The following PARD6G variants were observed in gnomAD, a reference collection of about 807,000 sequenced individuals.
PARD6G encodes partitioning defective 6 homolog gamma.
In PARD6G, 7 loss-of-function variants were observed where a neutral mutation model predicts 10.7. The ratio of observed to expected loss-of-function variants is 0.66; its 90% CI spans 0.37 to 1.23. The LOEUF is 1.23. Ranked by LOEUF, PARD6G falls within the 50% of genes most tolerant of loss-of-function variation. The pLI is 0.02. For synonymous variants in PARD6G, 287 were observed against 269.4 expected, an observed-to-expected ratio of 1.07 and a Z score of -0.64; for missense variants, 548 against 571.8, an observed-to-expected ratio of 0.96 and a Z score of 0.42.
intron 1 of PARD6G, among the ~76,000 whole-genome samples, chr18:80,223,619 T>C (rs1047351324): frequency 3.3e-5 from 5 of 152,218 alleles, no homozygotes; most frequent in Non-Finnish European, 7.3e-5. Flanking sequence ...TTGTTAGGAA[T>C]GTAAAACGGT....
chr18:80,195,572 T>TATATATATATATATATATATATATATAC (rs894731117), intron 2 of PARD6G, among the ~76,000 whole-genome samples: 15 of 87,304 alleles, frequency 1.7e-4, no homozygotes, highest in African/African-American at 3.0e-4. Context: ...TATATATATA[T>TATATATATATATATATATATATATATAC]ACACACATTT....
At chr18:80,178,851 C>G (rs948330950) in intron 2 of PARD6G, among the ~76,000 whole-genome samples, 18 of 152,156 alleles carry the variant, frequency 1.2e-4, no homozygotes, top group African/African-American at 3.9e-4. Flanking sequence ...TGTGTAGGAG[C>G]AGGTCCACCC....
chr18:80,203,320 G>A (rs1010276941), intron 1 of PARD6G, among the ~76,000 whole-genome samples: 3 of 152,172 alleles, frequency 2.0e-5, no homozygotes, highest in African/African-American at 7.2e-5. Context: ...TGGGGAGATA[G>A]TGACAAACAG....
intron 1 of PARD6G, among the ~76,000 whole-genome samples, chr18:80,217,100 C>A (rs6506816): frequency 0.85 from 129,661 of 152,122 alleles, 55,389 homozygotes; most frequent in Non-Finnish European, 0.88. Context: ...AGAAGTGCCC[C>A]AAAACAAAAC....
At chr18:80,186,389 CCT>C (rs2052878545) in intron 2 of PARD6G, among the ~76,000 whole-genome samples, 1 of 125,978 alleles carries the variant, frequency 7.9e-6, no homozygotes, top group African/African-American at 3.1e-5. Context: ...GCTCGCACAC[CCT>C]CACACATGCA....
At chr18:80,232,017 T>C (rs1374665999) in intron 1 of PARD6G, among the ~76,000 whole-genome samples, 1 of 152,230 alleles carries the variant, frequency 6.6e-6, no homozygotes, top group Non-Finnish European at 1.5e-5. Flanking sequence ...ACTGCGTTCC[T>C]ACACTTGTCC....
chr18:80,211,755 C>T (rs566657850), intron 1 of PARD6G, among the ~76,000 whole-genome samples: 1 of 152,306 alleles, frequency 6.6e-6, no homozygotes, highest in African/African-American at 2.4e-5. Context: ...TGTGCTACAA[C>T]ATGGACGAAC....
intron 1 of PARD6G, among the ~76,000 whole-genome samples, chr18:80,221,564 T>C (rs548558046): frequency 3.5e-4 from 54 of 152,322 alleles, no homozygotes; most frequent in Middle Eastern, 3.4e-3. Flanking sequence ...TCATCCTACA[T>C]AGAGAATATC....
rs1348621350 is a variant in PARD6G, at chr18:80,161,589, A to G, written c.296-983T>C. Among the ~76,000 whole-genome samples the G allele has an allele frequency of 1.3e-5, 2 of 152,104 alleles. No individual in the cohort carries two copies. The highest frequency in any genetic ancestry group is 4.8e-5 in the African/African-American group (2 of 41,426). On this transcript the variant is annotated intron_variant, in intron 2 of 2. Transcript: ENST00000353265. The surrounding 1 kb of genome is among the most constrained non-coding windows in gnomAD (Gnocchi z 4.6). ...TCAGAAAAAAAATCTTGTTTCATTA[A>G]TTTTTATATGAAACCTCTTGTTCTT...
chr18:80,232,181 C>T (rs556506391), intron 1 of PARD6G, among the ~76,000 whole-genome samples: 1 of 152,120 alleles, frequency 6.6e-6, no homozygotes, highest in Admixed American at 6.5e-5. Flanking sequence ...CCCCCGCCCC[C>T]CAAGCCACAC....
chr18:80,236,371 T>G (rs539163941), intron 1 of PARD6G, among the ~76,000 whole-genome samples: 12 of 152,274 alleles, frequency 7.9e-5, no homozygotes, highest in Non-Finnish European at 1.8e-4. Flanking sequence ...AAGAGCTATC[T>G]ATGACAAACC....
chr18:80,247,227 A>G lies in PARD6G; in HGVS notation c.72+50T>C. 6.8e-7 allele frequency: 1 copy of G among 1,460,178 alleles called. No homozygotes were observed. The allele number at this position is 1,460,178 out of a possible 1,614,324, so 90.5% of individuals were successfully genotyped here. ...TCCCCCTCCGCGGGGCGCCCCATTC[A>G]TTAGCCAGGAGACTGGGCGCAGGGC... On this transcript the variant is annotated intron_variant, in intron 1 of 2. Transcript: ENST00000353265. This position sits in a 1 kb window ranked among gnomAD's most constrained non-coding sequence, Gnocchi z 4.2.
At chr18:80,218,468 T>C (rs532071317) in intron 1 of PARD6G, among the ~76,000 whole-genome samples, 10 of 152,314 alleles carry the variant, frequency 6.6e-5, no homozygotes, top group African/African-American at 2.4e-4. Flanking sequence ...ATGTCTCACA[T>C]TTAGGTCACA....
chr18:80,166,719 C>A (rs1207363343), intron 2 of PARD6G, among the ~76,000 whole-genome samples: 1 of 151,834 alleles, frequency 6.6e-6, no homozygotes, highest in East Asian at 1.9e-4. Flanking sequence ...GGTCCTCACT[C>A]CCCATGTCCA....
At position 80,171,075 on chromosome 18, in the gene PARD6G, G is replaced by A. The variant is rs747617670; in HGVS notation, c.296-10469C>T. 2.0e-5 allele frequency: 3 copies of A among 152,058 alleles called. No homozygotes were observed. The South Asian group carries it at 6.2e-4, about 32-fold the overall frequency. 9.4% of individuals were successfully genotyped at this position (152,058 alleles called of 1,614,324 possible). On this transcript the variant is annotated intron_variant, in intron 2 of 2. Coordinates refer to ENST00000353265, the MANE Select transcript of PARD6G (RefSeq NM_032510.4). ...CTCTCTATTAAAAATACCACCCCAA[G>A]TAATCTGTACTCACTATAGAAAAAC...
chr18:80,213,114 A>G (rs1967125335), intron 1 of PARD6G, among the ~76,000 whole-genome samples: 2 of 152,240 alleles, frequency 1.3e-5, no homozygotes, highest in Non-Finnish European at 2.9e-5. Context: ...CCAAGAACCT[A>G]TCGATGATAA....
chr18:80,194,589 AC>A (rs771979638), intron 2 of PARD6G, among the ~76,000 whole-genome samples: 7 of 150,442 alleles, frequency 4.7e-5, no homozygotes, highest in African/African-American at 1.2e-4. Context: ...ATGGACATTC[AC>A]CCCCCCGAGA....
Position 80,206,711 on chromosome 18 carries a change from C to T in PARD6G, c.73-3779G>A, listed in dbSNP as rs77386062. ...GAAGCTTCACAGTGTTGACACCCAA[C>T]AATAAAAATTGCAAAACAATTAGTG... On this transcript the variant is annotated intron_variant, in intron 1 of 2. Transcript: ENST00000353265. 9.0e-3 allele frequency among the ~76,000 whole-genome samples: 1,365 copies of T among 152,300 alleles called. 25 individuals carry two copies. Among genetic ancestry groups the T allele is most frequent in the African/African-American group, 0.031 (1,308 of 41,556 alleles).
At chr18:80,244,630 A>G (rs1303182485) in intron 1 of PARD6G, among the ~76,000 whole-genome samples, 4 of 152,210 alleles carry the variant, frequency 2.6e-5, no homozygotes, top group Admixed American at 1.3e-4. Flanking sequence ...AAAAGGTATC[A>G]TGCCCATTTT....
Sources: allele counts gnomAD v4.1 joint callset (sites outside exome capture counted in the v4.1 genomes callset), GRCh38; gene constraint gnomAD v4.1.1; non-coding constraint Gnocchi (gnomAD v3.1); transcripts MANE v1.5; gene names NCBI Gene and HGNC (gene_info 2026-07-23, HGNC 2026-07-21).